The following FERRY3 variants were observed in gnomAD, a reference collection of about 807,000 sequenced individuals.
The protein encoded by FERRY3 is FERRY endosomal RAB5 effector complex subunit 3.
At chr12:4,505,498 A>C in the FERRY3 span, 1 of 682,060 alleles carries the variant, frequency 1.5e-6, no homozygotes, top group African/African-American at 1.8e-5. Flanking sequence ...TCTATGTGCC[A>C]GGCATTCTGC....
the FERRY3 span, among the ~76,000 whole-genome samples, chr12:4,506,050 GAATA>G: frequency 2.6e-5 from 4 of 151,728 alleles, no homozygotes; most frequent in East Asian, 7.7e-4. Context: ...TTTCTTAGAA[GAATA>G]AATAAAATAA....
At chr12:4,519,063 GTTCT>G in the FERRY3 span, among the ~76,000 whole-genome samples, 1 of 152,038 alleles carries the variant, frequency 6.6e-6, no homozygotes, top group Non-Finnish European at 1.5e-5. This position sits in a 1 kb window ranked among gnomAD's most constrained non-coding sequence, Gnocchi z 4.3. Flanking sequence ...ATTCCCACTT[GTTCT>G]TTCATTTCCT....
At chr12:4,517,001 T>C in the FERRY3 span, 1 of 1,255,044 alleles carries the variant, frequency 8.0e-7, no homozygotes, top group Non-Finnish European at 1.0e-6. Context: ...ATCTTAATAC[T>C]GATCCACATA....
At chr12:4,495,720 G>A in the FERRY3 span, among the ~76,000 whole-genome samples, 1 of 152,162 alleles carries the variant, frequency 6.6e-6, no homozygotes, top group Non-Finnish European at 1.5e-5. Context: ...CTTGTCCAAA[G>A]GTCATCACGT....
chr12:4,495,177 C>T, the FERRY3 span, among the ~76,000 whole-genome samples: 8 of 152,110 alleles, frequency 5.3e-5, no homozygotes, highest in Non-Finnish European at 8.8e-5. Context: ...TTCTCATTCA[C>T]GGCATCTAAT....
the FERRY3 span, chr12:4,500,432 T>C: frequency 8.3e-6 from 9 of 1,084,974 alleles, 1 homozygote; most frequent in Admixed American, 1.6e-4. Flanking sequence ...GGGCAATCAA[T>C]GTGTTGAACT....
the FERRY3 span, chr12:4,525,404 A>AT: frequency 1.0e-3 from 1,682 of 1,603,004 alleles, 2 homozygotes; most frequent in Non-Finnish European, 1.2e-3. Flanking sequence ...CAACTGGTTA[A>AT]TTTTTTTAAC....
the FERRY3 span, among the ~76,000 whole-genome samples, chr12:4,490,746 T>C: frequency 6.6e-6 from 1 of 152,216 alleles, no homozygotes; most frequent in Non-Finnish European, 1.5e-5. Context: ...AAAGGACAGA[T>C]AAATGTTTGC....
At chr12:4,518,658 G>A in the FERRY3 span, 3 of 678,082 alleles carry the variant, frequency 4.4e-6, no homozygotes, top group Non-Finnish European at 7.0e-6. Flanking sequence ...AGGGGTTCAA[G>A]ACCAGCCTGG....
At chr12:4,510,284 G>A in the FERRY3 span, among the ~76,000 whole-genome samples, 4 of 148,414 alleles carry the variant, frequency 2.7e-5, no homozygotes, top group Non-Finnish European at 5.9e-5. Context: ...GTACCTGAAA[G>A]TGATGGGGAG....
the FERRY3 span, chr12:4,489,864 G>A: frequency 1.9e-6 from 3 of 1,610,764 alleles, no homozygotes; most frequent in Non-Finnish European, 2.5e-6. Context: ...GGGGAAGCAT[G>A]TTACTAAGTT....
the FERRY3 span, chr12:4,491,118 A>G: frequency 2.0e-6 from 3 of 1,510,684 alleles, no homozygotes; most frequent in South Asian, 3.4e-5. Context: ...GGGTTGCTCT[A>G]CTTTCAATGT....
chr12:4,524,109 T>A, the FERRY3 span, among the ~76,000 whole-genome samples: 3 of 152,248 alleles, frequency 2.0e-5, 1 homozygote, highest in Admixed American at 2.0e-4. Flanking sequence ...GGGATAACTT[T>A]CACAGCAAAG....
chr12:4,513,589 A>G, the FERRY3 span, among the ~76,000 whole-genome samples: 119 of 152,086 alleles, frequency 7.8e-4, no homozygotes, highest in African/African-American at 1.7e-3. Context: ...AAATAACGCC[A>G]CATATCTACA....
the FERRY3 span, chr12:4,487,870 A>C: frequency 6.6e-6 from 1 of 152,084 alleles, no homozygotes; most frequent in Admixed American, 6.6e-5. Flanking sequence ...GAAGTGCTTT[A>C]AACCACTCCC....
At chr12:4,529,056 T>G in the FERRY3 span, among the ~76,000 whole-genome samples, 1 of 152,192 alleles carries the variant, frequency 6.6e-6, no homozygotes, top group East Asian at 1.9e-4. Flanking sequence ...ATAAATATTA[T>G]TAGATTCTGC....
chr12:4,518,958 A>G, the FERRY3 span: 5 of 898,698 alleles, frequency 5.6e-6, no homozygotes, highest in African/African-American at 8.8e-5. Flanking sequence ...TAATGAGAGA[A>G]AACTGAACAG....
chr12:4,495,663 T>C, the FERRY3 span, among the ~76,000 whole-genome samples: 2 of 152,220 alleles, frequency 1.3e-5, no homozygotes, highest in African/African-American at 4.8e-5. Flanking sequence ...GGTTAAATGG[T>C]ATGACCAAAA....
the FERRY3 span, chr12:4,518,289 A>G: frequency 6.3e-7 from 1 of 1,588,664 alleles, no homozygotes; most frequent in Non-Finnish European, 8.6e-7. Context: ...AAAGATACTT[A>G]AGCAGCTACA....
Sources: allele counts gnomAD v4.1 joint callset (sites outside exome capture counted in the v4.1 genomes callset), GRCh38; gene constraint gnomAD v4.1.1; non-coding constraint Gnocchi (gnomAD v3.1); transcripts MANE v1.5; gene names NCBI Gene and HGNC (gene_info 2026-07-23, HGNC 2026-07-21).